The following SPATA31D1 variants were observed in gnomAD, a reference collection of about 807,000 sequenced individuals.
SPATA31D1 encodes the protein spermatogenesis-associated protein 31D1.
Under a neutral mutation model 13.2 loss-of-function variants are expected in SPATA31D1, and 6 were observed. That is an observed-to-expected ratio of 0.46 (90% CI 0.25 to 0.90). The LOEUF is 0.90. SPATA31D1 is among the 40% of genes least tolerant of loss of function. The pLI, the probability that SPATA31D1 is intolerant of heterozygous loss-of-function variation, is 0.18. For missense variants in SPATA31D1, 2,445 were observed against 1,884.7 expected (o/e 1.30, Z -5.50); for synonymous variants, 903 against 718.8 (o/e 1.26, Z -4.10).
At position 81,994,441 on chromosome 9, in the gene SPATA31D1, A is replaced by G. The variant is rs369735296; in HGVS notation, c.3971A>G (p.His1324Arg). ...CGCAGGAGAAAGAGCCTCCCTGTTC[A>G]TAACAAGACATCAGGGGAGGTGCTT... Reference protein sequence around the residue: ...SQRRRKSLPVHNKTSGEVLGS... With the variant: ...SQRRRKSLPVRNKTSGEVLGS... Residue 1324 changes from histidine (H) to arginine (R), a missense_variant, in exon 4 of 4, where the codon CAT becomes CGT. Transcript: ENST00000344803. 6.2e-6 allele frequency: 10 copies of G among 1,613,552 alleles called. No individual in the cohort carries two copies. Among genetic ancestry groups the G allele is most frequent in the Non-Finnish European group, 8.5e-6 (10 of 1,179,734 alleles).
Position 81,993,829 on chromosome 9 carries a change from C to A in SPATA31D1, c.3359C>A (p.Ala1120Asp). ...AGCGCAGAGCTGCCCATAATGCAAG[C>A]TGGAGCTGGCTGTGAGTCATGGGAT... ...RCSAELPIMQ[A>D]GAGCESWDKR... The change falls in exon 4 of 4, where the codon GCT (alanine) becomes GAT (aspartate). Residue 1120 changes from alanine to aspartate, a missense_variant. By Grantham distance (126) the Ala-to-Asp change is moderately radical. Coordinates refer to ENST00000344803, the MANE Select transcript of SPATA31D1 (RefSeq NM_001001670.3). The A allele has an allele frequency of 6.2e-7, 1 of 1,614,020 alleles. No individual in the cohort carries two copies. The highest frequency in any genetic ancestry group is 2.2e-5 in the East Asian group (1 of 44,868).
chr9:81,994,161 AAC>A lies in SPATA31D1; in HGVS notation c.3692_3693del (p.Asn1231IlefsTer9). 1 of 1,614,040 alleles carries A rather than the reference AAC, an allele frequency of 6.2e-7. No individual in the cohort carries two copies. The highest frequency in any genetic ancestry group is 8.5e-7 in the Non-Finnish European group (1 of 1,179,894). On this transcript the variant is annotated frameshift_variant, in exon 4 of 4. Coordinates refer to ENST00000344803, the MANE Select transcript of SPATA31D1 (RefSeq NM_001001670.3). LOFTEE classifies it low-confidence loss of function (END_TRUNC). Reference sequence around the variant, plus strand: ...CACTGACATGTCTTTTGCCTTAGATAACTTGAGTTCCAAGGACTTACTGACTA... The same window carrying A: ...CACTGACATGTCTTTTGCCTTAGATATTGAGTTCCAAGGACTTACTGACTA... ...HFTDMSFALDNLSSKDLLTNS... is the reference protein window; with the variant it reads ...HFTDMSFALDXLSSKDLLTNS...
Position 81,994,397 on chromosome 9 carries a change from A to G in SPATA31D1, c.3927A>G (p.Ala1309=). 2 of 1,613,940 alleles carry G rather than the reference A, an allele frequency of 1.2e-6. No individual in the cohort carries two copies. Among genetic ancestry groups the G allele is most frequent in the Middle Eastern group, 1.6e-4 (1 of 6,062 alleles). Residue 1309 remains alanine (A), a synonymous_variant, in exon 4 of 4, where the codon GCA becomes GCG. Coordinates refer to ENST00000344803, the MANE Select transcript of SPATA31D1 (RefSeq NM_001001670.3). ...PKGGELDGGD[A]GLGTSQRRRK... ...GAGGAGAGCTTGATGGAGGGGATGC[A>G]GGGCTGGGGACATCCCAACGCAGGA...
rs754158778 is a variant in SPATA31D1, at chr9:81,992,435, C to G, written c.1965C>G (p.Pro655=). 1.6e-5 allele frequency: 25 copies of G among 1,612,808 alleles called. No individual in the cohort carries two copies. Among genetic ancestry groups the G allele is most frequent in the Non-Finnish European group, 2.0e-5 (24 of 1,179,744 alleles). ...KSQEDFCPPA[P]NPELVRKSFK... ...AGGAAGACTTTTGTCCTCCAGCTCC[C>G]AATCCTGAATTGGTCAGAAAGTCCT... Residue 655 remains proline (P), a synonymous_variant, in exon 4 of 4, where the codon CCC becomes CCG. Transcript: ENST00000344803.
chr9:81,992,968 G>C lies in SPATA31D1; in HGVS notation c.2498G>C (p.Arg833Pro). ...QKQLENALTVRLSKKFEEINE... is the reference protein window; with the variant it reads ...QKQLENALTVPLSKKFEEINE... ...CAACTTGAAAATGCCCTGACAGTAC[G>C]TTTGAGCAAGAAATTTGAGGAAATC... is the stretch of plus-strand genomic sequence containing the variant. Residue 833 changes from arginine (R) to proline (P), a missense_variant, in exon 4 of 4, where the codon CGT (arginine) becomes CCT (proline). By Grantham distance (103) the Arg-to-Pro change is moderately radical. Coordinates refer to ENST00000344803, the MANE Select transcript of SPATA31D1 (RefSeq NM_001001670.3). 6.2e-7 allele frequency: 1 copy of C among 1,613,760 alleles called. No individual in the cohort carries two copies. The highest frequency in any genetic ancestry group is 8.5e-7 in the Non-Finnish European group (1 of 1,179,728).
rs771871159 is a variant in SPATA31D1 at position 81,990,869 on chromosome 9, T to A, written c.399T>A (p.Cys133Ter). 1 of 1,613,932 alleles carries A rather than the reference T, an allele frequency of 6.2e-7. No homozygotes were observed. The highest frequency in any genetic ancestry group is 1.1e-5 in the South Asian group (1 of 91,076). Residue 133 changes from cysteine (C) to a stop codon, truncating the protein, a stop_gained, in exon 4 of 4, where the codon TGT (cysteine) becomes TGA (stop). Coordinates refer to ENST00000344803, the MANE Select transcript of SPATA31D1 (RefSeq NM_001001670.3). LOFTEE classifies it low-confidence loss of function (END_TRUNC). ...LLCPDPVCRV[C>*]KRATADIQQL... Reference sequence around the variant, plus strand: ...GCCCAGACCCCGTCTGTCGGGTGTGTAAGAGAGCAACTGCTGATATCCAGC... The same window carrying A: ...GCCCAGACCCCGTCTGTCGGGTGTGAAAGAGAGCAACTGCTGATATCCAGC...
At position 81,991,037 on chromosome 9, in the gene SPATA31D1, G is replaced by A. The variant is rs1824947100; in HGVS notation, c.567G>A (p.Arg189=). 1 of 1,613,540 alleles carries A rather than the reference G, an allele frequency of 6.2e-7. No individual in the cohort carries two copies. The highest frequency in any genetic ancestry group is 8.5e-7 in the Non-Finnish European group (1 of 1,179,710). ...CAGAAGACCTAATACTGTCCCCTCG[G>A]CCTAAGGCCTCTCCACCACCCCCCT... ...TPPEDLILSP[R]PKASPPPPLI... is the part of the protein sequence containing the mutation. The change falls in exon 4 of 4, where the codon CGG becomes CGA. Residue 189 remains arginine (R), a synonymous_variant. Transcript: ENST00000344803.
At chr9:81,990,556 C>A in intron 3 of SPATA31D1, 70 bp downstream of exon 3, 1 of 1,468,206 alleles carries the variant, frequency 6.8e-7, no homozygotes, top group African/African-American at 1.4e-5. Context: ...CTATTCATTT[C>A]AGGGATTCCT....
Position 81,994,931 on chromosome 9 carries a change from A to T in SPATA31D1, c.4461A>T (p.Thr1487=), listed in dbSNP as rs369904775. The change falls in exon 4 of 4, where the codon ACA becomes ACT. Residue 1487 remains threonine, a synonymous_variant. Transcript: ENST00000344803. ...TCTTTGTTGGCCAGAATTATCCTAC[A>T]AGGATTAGACAGATCATAGACAAGG... ...QAIFVGQNYP[T]RIRQIIDKDR... is the part of the protein sequence containing the mutation. The T allele has an allele frequency of 1.2e-6, 2 of 1,613,994 alleles. No homozygotes were observed. Among genetic ancestry groups the T allele is most frequent in the East Asian group, 4.5e-5 (2 of 44,856 alleles).
chr9:81,988,259 A>C (rs1450975958), upstream of SPATA31D1, among the ~76,000 whole-genome samples: 1 of 152,240 alleles, frequency 6.6e-6, no homozygotes, highest in African/African-American at 2.4e-5. Flanking sequence ...CTGATTGGAA[A>C]TAGTAAAAAC....
rs376216540 is a variant in SPATA31D1, at chr9:81,991,332, C to G, written c.862C>G (p.Pro288Ala). The change falls in exon 4 of 4, where the codon CCC becomes GCC. Residue 288 changes from proline (P) to alanine (A), a missense_variant. Transcript: ENST00000344803. Reference protein sequence around the residue: ...LCQDISQAMNPIDSCARHHGP... With the variant: ...LCQDISQAMNAIDSCARHHGP... Reference sequence around the variant, plus strand: ...CCAAGATATTTCGCAGGCCATGAATCCCATTGATTCTTGTGCTCGTCATCA... The same window carrying G: ...CCAAGATATTTCGCAGGCCATGAATGCCATTGATTCTTGTGCTCGTCATCA... 6.2e-7 allele frequency: 1 copy of G among 1,614,030 alleles called. No individual in the cohort carries two copies. The highest frequency in any genetic ancestry group is 1.1e-5 in the South Asian group (1 of 91,086).
chr9:81,992,169 C>G lies in SPATA31D1; in HGVS notation c.1699C>G (p.Leu567Val). Residue 567 changes from leucine to valine, a missense_variant, in exon 4 of 4, where the codon CTG (leucine) becomes GTG (valine). Transcript: ENST00000344803. ...CCAACCACTACCCTTGCCTCAAACC[C>G]TGCCCCAAGGTCAGTCCCCACATCT... is the stretch of plus-strand genomic sequence containing the variant. ...STQPLPLPQTLPQGQSPHLTQ... is the reference protein window; with the variant it reads ...STQPLPLPQTVPQGQSPHLTQ... 1 of 1,613,772 alleles carries G rather than the reference C, an allele frequency of 6.2e-7. No individual in the cohort carries two copies. The highest frequency in any genetic ancestry group is 1.1e-5 in the South Asian group (1 of 91,072).
At position 81,993,371 on chromosome 9, in the gene SPATA31D1, C is replaced by G. The variant is rs1441564403; in HGVS notation, c.2901C>G (p.Ser967Arg). The G allele has an allele frequency of 3.7e-6, 6 of 1,613,868 alleles. No individual in the cohort carries two copies. Among genetic ancestry groups the G allele is most frequent in the Non-Finnish European group, 5.1e-6 (6 of 1,179,916 alleles). ...GGGTCTCTAAGTCCCGTAGTCGAAG[C>G]ACTTTTCAAGGAGAAAAGTTGGGAA... Reference protein sequence around the residue: ...KDGVSKSRSRSTFQGEKLGTT... With the variant: ...KDGVSKSRSRRTFQGEKLGTT... The change falls in exon 4 of 4, where the codon AGC becomes AGG. Residue 967 changes from serine to arginine, a missense_variant. Transcript: ENST00000344803.
In SPATA31D1 at chr9:81,990,822, A is replaced by C. The variant is rs1433834965; in HGVS notation, c.352A>C (p.Asn118His). 6.2e-7 allele frequency: 1 copy of C among 1,613,658 alleles called. No homozygotes were observed. The highest frequency in any genetic ancestry group is 1.3e-5 in the African/African-American group (1 of 74,998). ...TCCTCGGGGCCAGCATCATGATACC[A>C]ACCACTTTCGTCGACTGTTATGCCC... Reference protein sequence around the residue: ...CSPRGQHHDTNHFRRLLCPDP... With the variant: ...CSPRGQHHDTHHFRRLLCPDP... The change falls in exon 4 of 4, where the codon AAC becomes CAC. Residue 118 changes from asparagine to histidine, a missense_variant. Transcript: ENST00000344803.
At position 81,992,178 on chromosome 9, in the gene SPATA31D1, G is replaced by C; in HGVS notation, c.1708G>C (p.Gly570Arg). Residue 570 changes from glycine to arginine, a missense_variant, in exon 4 of 4, where the codon GGT becomes CGT. Transcript: ENST00000344803. ...ACCCTTGCCTCAAACCCTGCCCCAA[G>C]GTCAGTCCCCACATCTCACTCAGGT... is the stretch of plus-strand genomic sequence containing the variant. ...PLPLPQTLPQ[G>R]QSPHLTQVKS... The C allele has an allele frequency of 6.2e-7, 1 of 1,613,654 alleles. No homozygotes were observed. Among genetic ancestry groups the C allele is most frequent in the South Asian group, 1.1e-5 (1 of 91,058 alleles).
chr9:81,994,481 C>A lies in SPATA31D1; in HGVS notation c.4011C>A (p.Ser1337=), dbSNP rs184829255. 2.5e-6 allele frequency: 4 copies of A among 1,613,246 alleles called. No individual in the cohort carries two copies. Among genetic ancestry groups the A allele is most frequent in the Non-Finnish European group, 2.5e-6 (3 of 1,179,630 alleles). ...TSGEVLGSKS[S]PTLKTQPPPE... ...GGGAGGTGCTTGGGAGCAAATCTTC[C>A]CCAACCTTGAAAACACAGCCTCCTC... Residue 1337 remains serine (S), a synonymous_variant, in exon 4 of 4, where the codon TCC becomes TCA. Transcript: ENST00000344803.
In SPATA31D1 at chr9:81,991,733, AAG is replaced by A; in HGVS notation, c.1264_1265del (p.Arg422GlyfsTer2). Reference sequence around the variant, plus strand: ...CACTCCTGGAGAGACAAGTCAAAAAAAGGGGTGATTTCCTGATGTGGAAAGAA... The same window carrying A: ...CACTCCTGGAGAGACAAGTCAAAAAAGGGTGATTTCCTGATGTGGAAAGAA... ...LALLERQVKK[R>X]GDFLMWKENG... On this transcript the variant is annotated frameshift_variant, in exon 4 of 4. Transcript: ENST00000344803. LOFTEE classifies it low-confidence loss of function (END_TRUNC). 6.2e-7 allele frequency: 1 copy of A among 1,613,842 alleles called. No individual in the cohort carries two copies.
At position 81,992,214 on chromosome 9, in the gene SPATA31D1, G is replaced by T. The variant is rs758438953; in HGVS notation, c.1744G>T (p.Ala582Ser). The T allele has an allele frequency of 6.2e-7, 1 of 1,613,706 alleles. No individual in the cohort carries two copies. The highest frequency in any genetic ancestry group is 2.2e-5 in the East Asian group (1 of 44,880). Reference protein sequence around the residue: ...SPHLTQVKSLAQPQSPFRALL... With the variant: ...SPHLTQVKSLSQPQSPFRALL... ...ACATCTCACTCAGGTGAAGTCCCTG[G>T]CTCAACCTCAATCTCCATTCCGAGC... Residue 582 changes from alanine (A) to serine (S), a missense_variant, in exon 4 of 4, where the codon GCT (alanine) becomes TCT (serine). Physicochemically the swap from Ala to Ser is moderately conservative, Grantham distance 99. Coordinates refer to ENST00000344803, the MANE Select transcript of SPATA31D1 (RefSeq NM_001001670.3).
rs1166476053 is a variant in SPATA31D1 at position 81,991,291 on chromosome 9, T to G, written c.821T>G (p.Phe274Cys). ...TTGTCTCTGAACACCATCTTTTCAT[T>G]TGGCTCCACCCTATGCCAAGATATT... ...ASLSLNTIFS[F>C]GSTLCQDISQ... Residue 274 changes from phenylalanine to cysteine, a missense_variant, in exon 4 of 4, where the codon TTT becomes TGT. Coordinates refer to ENST00000344803, the MANE Select transcript of SPATA31D1 (RefSeq NM_001001670.3). 1.9e-6 allele frequency: 3 copies of G among 1,613,934 alleles called. No individual in the cohort carries two copies. In the Admixed American group the frequency reaches 5.0e-5, roughly 27 times the overall value.
Sources: allele counts gnomAD v4.1 joint callset (sites outside exome capture counted in the v4.1 genomes callset), GRCh38; gene constraint gnomAD v4.1.1; transcripts MANE v1.5; gene names NCBI Gene and HGNC (gene_info 2026-07-23, HGNC 2026-07-21).